ZYG11B: variants seen among roughly 807,000 people sequenced by gnomAD.
ZYG11B encodes the protein protein zyg-11 homolog B.
In ZYG11B, 36 loss-of-function variants were observed where a neutral mutation model predicts 82.4. That is an observed-to-expected ratio of 0.44 (90% CI 0.33 to 0.58). ZYG11B has a LOEUF of 0.58. Ranked by LOEUF, ZYG11B falls within the 20% of genes least tolerant of loss-of-function variation. The probability of loss-of-function intolerance (pLI) is 0.02; values close to 1 mark genes in which losing one functional copy is unlikely to be tolerated. For missense variants in ZYG11B, 552 were observed against 895.6 expected, an observed-to-expected ratio of 0.62 and a Z score of 4.90; for synonymous variants, 303 against 312.8, an observed-to-expected ratio of 0.97 and a Z score of 0.33.
chr1:52,792,687 G>A (rs1045320882), intron 6 of ZYG11B, among the ~76,000 whole-genome samples: 2 of 152,134 alleles, frequency 1.3e-5, no homozygotes, highest in Non-Finnish European at 2.9e-5. Flanking sequence ...TGTTGAAACT[G>A]CATGAATAAA....
intron 2 of ZYG11B, among the ~76,000 whole-genome samples, chr1:52,767,517 A>G (rs1644708183): frequency 6.6e-6 from 1 of 151,820 alleles, no homozygotes; most frequent in South Asian, 2.1e-4. Context: ...GTTGGCCAAG[A>G]TGGTCTCGAT....
rs141284834 is a variant in ZYG11B, at chr1:52,825,962, A to G, written c.*4333A>G. On this transcript the variant is annotated 3_prime_UTR_variant, in exon 14 of 14. Coordinates refer to ENST00000294353, the MANE Select transcript of ZYG11B (RefSeq NM_024646.3). ...TTTTAAACTATAGAACAATACCCCT[A>G]TAGAACAATGTACAGCTGCACCCAA... 106 of 152,252 alleles carry G rather than the reference A, an allele frequency of 7.0e-4. No individual in the cohort carries two copies. Among genetic ancestry groups the G allele is most frequent in the African/African-American group, 2.5e-3 (104 of 41,520 alleles). The allele number at this position is 152,252 out of a possible 1,614,324, so 9.4% of individuals were successfully genotyped here.
At chr1:52,772,166 A>G (rs974104004) in intron 3 of ZYG11B, 5 of 1,421,424 alleles carry the variant, frequency 3.5e-6, no homozygotes, top group South Asian at 1.2e-5. Flanking sequence ...TTAAACAATC[A>G]TTTTATTGCT....
chr1:52,803,297 T>TAC (rs201447963), intron 10 of ZYG11B, among the ~76,000 whole-genome samples: 13,009 of 115,068 alleles, frequency 0.11, 1,609 homozygotes, highest in Non-Finnish European at 0.15. Flanking sequence ...TATATATATA[T>TAC]ACACATATAT....
At chr1:52,738,433 G>A (rs1321385183) in intron 1 of ZYG11B, among the ~76,000 whole-genome samples, 2 of 151,860 alleles carry the variant, frequency 1.3e-5, no homozygotes, top group Non-Finnish European at 2.9e-5. Flanking sequence ...TGCCCGCCTC[G>A]GCCTCCCAAA....
intron 1 of ZYG11B, among the ~76,000 whole-genome samples, chr1:52,751,724 A>AGAGTTTTTGTATGCTAAT (rs1553258314): frequency 2.0e-5 from 3 of 152,122 alleles, no homozygotes; most frequent in Non-Finnish European, 2.9e-5. Context: ...TGAAGTGAAA[A>AGAGTTTTTGTATGCTAAT]GAGTTTTTGT....
At chr1:52,764,888 G>A (rs778323954) in intron 2 of ZYG11B, among the ~76,000 whole-genome samples, 4 of 152,178 alleles carry the variant, frequency 2.6e-5, no homozygotes, top group Non-Finnish European at 4.4e-5. Context: ...CTGCCCAGGA[G>A]TTCTGGAGTA....
intron 10 of ZYG11B, 126 bp downstream of exon 10, chr1:52,802,265 A>G (rs1645081047): frequency 1.3e-6 from 1 of 756,460 alleles, no homozygotes; most frequent in Non-Finnish European, 2.1e-6. Context: ...GGTCATTGCT[A>G]ATTGAGAACT....
intron 10 of ZYG11B, among the ~76,000 whole-genome samples, chr1:52,809,283 C>T (rs2149963497): frequency 3.9e-5 from 6 of 152,252 alleles, no homozygotes; most frequent in Admixed American, 3.9e-4. Context: ...TAACTGTTTT[C>T]ATCTTGTAAA....
At chr1:52,798,698 GGTT>G (rs1645048964) in intron 8 of ZYG11B, among the ~76,000 whole-genome samples, 1 of 152,170 alleles carries the variant, frequency 6.6e-6, no homozygotes, top group South Asian at 2.1e-4. Context: ...ACAGGCATAA[GGTT>G]GTGCTGTATG....
rs944771926 is a variant in ZYG11B at position 52,762,983 on chromosome 1, G to C, written c.196+6360G>C. On this transcript the variant is annotated intron_variant, in intron 2 of 13. Transcript: ENST00000294353. ...TTTGTAAAGGTGAGAGATTGGGGGG[G>C]GGGGGTCTAGTTTCATTCTTTTGTC... Among the ~76,000 whole-genome samples, 16 of 141,402 alleles carry C rather than the reference G, an allele frequency of 1.1e-4. No individual in the cohort carries two copies. The South Asian group carries it at 2.9e-3, about 25-fold the overall frequency. 92.8% of individuals were successfully genotyped at this position (141,402 alleles called of 152,430 possible).
intron 8 of ZYG11B, among the ~76,000 whole-genome samples, chr1:52,799,346 G>T (rs1200843121): frequency 2.0e-5 from 3 of 151,830 alleles, no homozygotes; most frequent in Non-Finnish European, 4.4e-5. Context: ...AATTAGCCAG[G>T]TGTGGTGGCA....
intron 10 of ZYG11B, among the ~76,000 whole-genome samples, chr1:52,802,543 G>A (rs1274456831): frequency 6.6e-6 from 1 of 151,400 alleles, no homozygotes; most frequent in Non-Finnish European, 1.5e-5. Context: ...TAGAGATGGG[G>A]TTTTGCCATG....
intron 1 of ZYG11B, among the ~76,000 whole-genome samples, chr1:52,736,857 G>A (rs1644382440): frequency 6.6e-6 from 1 of 152,154 alleles, no homozygotes; most frequent in South Asian, 2.1e-4. Context: ...CCAGAGTGCT[G>A]GGATTACAGG....
chr1:52,816,619 C>A lies in ZYG11B; in HGVS notation c.2034C>A (p.Cys678Ter). Reference sequence around the variant, plus strand: ...CAGTTTGGGCCATGCAACATGTCTGCAGCAAGAATCGTATGTACCAAAAAA... The same window carrying A: ...CAGTTTGGGCCATGCAACATGTCTGAAGCAAGAATCGTATGTACCAAAAAA... ...LWAVWAMQHV[C>*]SKNPSRYCSM... The change falls in exon 13 of 14, where the codon TGC (cysteine) becomes TGA (stop). Residue 678 changes from cysteine to a stop codon, truncating the protein, a stop_gained. Transcript: ENST00000294353. LOFTEE classifies it high-confidence loss of function. The A allele has an allele frequency of 6.2e-7, 1 of 1,605,376 alleles. No individual in the cohort carries two copies. Among genetic ancestry groups the A allele is most frequent in the Admixed American group, 1.7e-5 (1 of 58,258 alleles).
rs117983550 is a variant in ZYG11B, at chr1:52,742,005, C to T, written c.31-14453C>T. ...AAATCTATTTCTATCATTAAATTGTCGAGTTTGTAATTTTTGTAGTCACCT... is the reference window on the plus strand; with the variant it reads ...AAATCTATTTCTATCATTAAATTGTTGAGTTTGTAATTTTTGTAGTCACCT... On this transcript the variant is annotated intron_variant, in intron 1 of 13. Transcript: ENST00000294353. 6.6e-4 allele frequency among the ~76,000 whole-genome samples: 100 copies of T among 152,156 alleles called. 1 individual carries two copies. The East Asian group carries it at 0.018, about 27-fold the overall frequency.
chr1:52,797,156 TTATA>T (rs1645024355), intron 8 of ZYG11B, among the ~76,000 whole-genome samples: 1 of 69,900 alleles, frequency 1.4e-5, no homozygotes, highest in Non-Finnish European at 2.2e-5. Context: ...TATTATATAT[TTATA>T]TATTATATAT....
intron 1 of ZYG11B, among the ~76,000 whole-genome samples, chr1:52,736,294 T>G (rs752988101): frequency 3.1e-5 from 4 of 130,118 alleles, no homozygotes; most frequent in Non-Finnish European, 6.6e-5. Flanking sequence ...TTTATTTATT[T>G]ATTGAGACAG....
At chr1:52,820,121 A>G (rs1483575744) in intron 13 of ZYG11B, among the ~76,000 whole-genome samples, 1 of 150,900 alleles carries the variant, frequency 6.6e-6, no homozygotes, top group Non-Finnish European at 1.5e-5. Context: ...TCACCACGTT[A>G]GCCAGGATGG....
Sources: allele counts gnomAD v4.1 joint callset (sites outside exome capture counted in the v4.1 genomes callset), GRCh38; gene constraint gnomAD v4.1.1; transcripts MANE v1.5; gene names NCBI Gene and HGNC (gene_info 2026-07-23, HGNC 2026-07-21).